The following CERS1 variants were observed in gnomAD, a reference collection of about 807,000 sequenced individuals.
CERS1 encodes Embryonic growth/differentiation factor 1.
CERS1 carries 16 observed loss-of-function variants against 35.7 expected under a neutral mutation model. The ratio of observed to expected loss-of-function variants is 0.45; its 90% CI spans 0.30 to 0.68. The LOEUF (loss-of-function observed/expected upper bound fraction) is 0.68. Ranked by LOEUF, CERS1 falls within the 30% of genes least tolerant of loss-of-function variation. The probability of loss-of-function intolerance (pLI) is 0.08; values close to 1 mark genes in which losing one functional copy is unlikely to be tolerated. For synonymous variants in CERS1, 243 were observed against 201.6 expected (o/e 1.21, Z -1.74); for missense variants, 454 against 453.9 (o/e 1.00, Z 0.00).
chr19:18,888,924 C>A (rs1233299501), intron 2 of CERS1, among the ~76,000 whole-genome samples: 1 of 135,344 alleles, frequency 7.4e-6, no homozygotes, highest in South Asian at 2.4e-4. Flanking sequence ...CAGAGTCTTG[C>A]TCTGTCGCCT....
chr19:18,885,527 T>G (rs1008577582), intron 2 of CERS1, among the ~76,000 whole-genome samples: 15 of 148,618 alleles, frequency 1.0e-4, no homozygotes, highest in Admixed American at 2.0e-4. Context: ...TTTTTTTTTT[T>G]TTTTTTTTTT....
chr19:18,879,447 C>T, intron 4 of CERS1, 59 bp from the exon 5 acceptor site: 1 of 1,535,596 alleles, frequency 6.5e-7, no homozygotes, highest in Non-Finnish European at 8.8e-7. Context: ...TACCCAGTCC[C>T]TGTCCTATCC....
In CERS1 at chr19:18,893,519, G is replaced by A. The variant is rs779359438; in HGVS notation, c.306C>T (p.Ser102=). ...QPRDAAKMPE[S]AWKFLFYLGS... is the part of the protein sequence containing the mutation. The stretch of plus-strand genomic sequence containing the variant: ...CCAGGTAGAAGAGAAACTTCCAAGC[G>A]CTCTCGGGCATCTTGGCGGCATCTC... The change falls in exon 2 of 8, where the codon AGC becomes AGT. Residue 102 remains serine (S), a synonymous_variant. Transcript: ENST00000623882. 35 of 1,610,568 alleles carry A rather than the reference G, an allele frequency of 2.2e-5. No homozygotes were observed. Among genetic ancestry groups the A allele is most frequent in the East Asian group, 1.3e-4 (6 of 44,810 alleles).
chr19:18,869,925 G>T, intron 7 of CERS1, 58 bp downstream of exon 7: 1 of 1,506,642 alleles, frequency 6.6e-7, no homozygotes, highest in Non-Finnish European at 9.0e-7. Flanking sequence ...CACTCTCGAG[G>T]CTCGCCCTGC....
Position 18,870,492 on chromosome 19 carries a change from A to AGGGGGTGG in CERS1, c.*77_*84dup. 1 of 38,484 alleles carries AGGGGGTGG rather than the reference A, an allele frequency of 2.6e-5. No homozygotes were observed. 2.4% of individuals were successfully genotyped at this position (38,484 alleles called of 1,614,324 possible). On this transcript the variant is annotated 3_prime_UTR_variant, in exon 7 of 8. Coordinates refer to ENST00000623882, the MANE Select transcript of CERS1 (RefSeq NM_021267.5). This position sits in a 1 kb window ranked among gnomAD's most constrained non-coding sequence, Gnocchi z 5.1. The stretch of plus-strand genomic sequence containing the variant: ...GGCGGCCCTAGAGGAGCAGAGTTGG[A>AGGGGGTGG]GGGGGTGGAGGGGCGGCCAAGGACG...
chr19:18,869,781 T>A (rs113201419), intron 7 of CERS1, among the ~76,000 whole-genome samples: 6,632 of 152,094 alleles, frequency 0.044, 188 homozygotes, highest in African/African-American at 0.066. Context: ...GAAGGACTGG[T>A]CTTGGGAACC....
intron 6 of CERS1, among the ~76,000 whole-genome samples, chr19:18,873,503 C>T (rs2056010790): frequency 6.6e-6 from 1 of 151,534 alleles, no homozygotes; most frequent in Non-Finnish European, 1.5e-5. Context: ...TTGAGATCAG[C>T]CTGGGCAACA....
intron 6 of CERS1, among the ~76,000 whole-genome samples, chr19:18,872,361 T>G (rs1425536670): frequency 6.6e-6 from 1 of 152,216 alleles, no homozygotes; most frequent in Non-Finnish European, 1.5e-5. Context: ...GTTTTGTTTT[T>G]TTTTGAGATG....
rs755707666 is a variant in CERS1, at chr19:18,868,920, C to T, written c.*1065G>A. On this transcript the variant is annotated 3_prime_UTR_variant, in exon 8 of 8. Coordinates refer to ENST00000623882, the MANE Select transcript of CERS1 (RefSeq NM_021267.5). ...ACGTACAGCCGCCGCGCGCGACAAG[C>T]GCCCCCGGGGCCGCCGCCCAACACG... The T allele has an allele frequency of 4.1e-5, 56 of 1,360,168 alleles. 1 individual carries two copies. The East Asian group carries it at 6.6e-4, about 16-fold the overall frequency. The allele number at this position is 1,360,168 out of a possible 1,614,324, so 84.3% of individuals were successfully genotyped here.
At chr19:18,884,875 G>A (rs1400339433) in intron 2 of CERS1, among the ~76,000 whole-genome samples, 5 of 151,480 alleles carry the variant, frequency 3.3e-5, no homozygotes, top group Non-Finnish European at 5.9e-5. Context: ...CACCATGCCC[G>A]GCTAATTTTT....
At chr19:18,885,766 G>A (rs937789016) in intron 2 of CERS1, among the ~76,000 whole-genome samples, 1 of 151,280 alleles carries the variant, frequency 6.6e-6, no homozygotes, top group Non-Finnish European at 1.5e-5. Context: ...TGATCCGCCC[G>A]CCTCGGCCTC....
intron 7 of CERS1, 49 bp downstream of exon 7, chr19:18,869,934 G>C (rs1361188280): frequency 6.6e-7 from 1 of 1,524,894 alleles, no homozygotes; most frequent in South Asian, 1.2e-5. Flanking sequence ...GGCTCGCCCT[G>C]CGAGGTCTGG....
intron 6 of CERS1, among the ~76,000 whole-genome samples, chr19:18,872,757 C>T (rs2055997298): frequency 1.3e-5 from 2 of 152,142 alleles, no homozygotes; most frequent in African/African-American, 2.4e-5. Flanking sequence ...CTCAGGTGAT[C>T]CACCCGCCTC....
chr19:18,872,895 C>T (rs1376164823), intron 6 of CERS1, among the ~76,000 whole-genome samples: 1 of 152,122 alleles, frequency 6.6e-6, no homozygotes, highest in East Asian at 1.9e-4. Context: ...GTGATCCATC[C>T]GCCTCAGCCT....
At chr19:18,893,117 G>C (rs1332822095) in intron 2 of CERS1, among the ~76,000 whole-genome samples, 1 of 152,082 alleles carries the variant, frequency 6.6e-6, no homozygotes, top group Non-Finnish European at 1.5e-5. Context: ...GTTTCACCAT[G>C]TTAGCCAGGA....
intron 6 of CERS1, among the ~76,000 whole-genome samples, chr19:18,872,502 C>T (rs1249632509): frequency 6.6e-6 from 1 of 151,778 alleles, no homozygotes; most frequent in Admixed American, 6.6e-5. Context: ...CATGCAACAC[C>T]ATGCCCGGGG....
chr19:18,891,063 G>A (rs563039805), intron 2 of CERS1, among the ~76,000 whole-genome samples: 1 of 151,990 alleles, frequency 6.6e-6, no homozygotes, highest in East Asian at 1.9e-4. Flanking sequence ...GGTGGAGATT[G>A]CAGTGAGCCG....
intron 6 of CERS1, among the ~76,000 whole-genome samples, chr19:18,876,536 T>TTTTG (rs2056064132): frequency 7.0e-6 from 1 of 143,184 alleles, no homozygotes; most frequent in Non-Finnish European, 1.5e-5. Flanking sequence ...TTTGATTGGG[T>TTTTG]TGTGTGTGTG....
chr19:18,869,086 CG>C lies in CERS1; in HGVS notation c.*898del. Reference sequence around the variant, plus strand: ...GCGCCAGCGCCAGGCGGAGGCTGCGCGGCCATGAGGCGTTGCGAGCCCAAGC... The same window carrying C: ...GCGCCAGCGCCAGGCGGAGGCTGCGCGCCATGAGGCGTTGCGAGCCCAAGC... On this transcript the variant is annotated 3_prime_UTR_variant, in exon 8 of 8. Transcript: ENST00000623882. 9.4e-7 allele frequency: 1 copy of C among 1,064,510 alleles called. No homozygotes were observed. Among genetic ancestry groups the C allele is most frequent in the African/African-American group, 1.7e-5 (1 of 58,370 alleles). 65.9% of individuals were successfully genotyped at this position (1,064,510 alleles called of 1,614,324 possible).
Sources: gnomAD v4.1 joint callset for allele counts (sites outside exome capture counted in the v4.1 genomes callset) on GRCh38, gnomAD v4.1.1 for gene constraint, Gnocchi (gnomAD v3.1) non-coding constraint, MANE v1.5 for transcripts, NCBI Gene and HGNC (gene_info 2026-07-23, HGNC 2026-07-21) for gene names.